Variants in GALNT13 observed in about 807,000 individuals in gnomAD.
The protein encoded by GALNT13 is polypeptide N-acetylgalactosaminyltransferase 13, also known as UDP-GalNAc:polypeptide N-acetylgalactosaminyltransferase 13.
In GALNT13, 28 loss-of-function variants were observed where a neutral mutation model predicts 64.2. That is an observed-to-expected ratio of 0.44 (90% confidence interval 0.32 to 0.60). The LOEUF (loss-of-function observed/expected upper bound fraction) is 0.60, where lower values mean the gene tolerates loss of function less well. Among genes scored for constraint, GALNT13 ranks in the 20% least tolerant of loss-of-function variants. GALNT13 has a pLI of 0.05. For missense variants in GALNT13, 577 were observed against 669.8 expected (o/e 0.86, Z 1.53); for synonymous variants, 214 against 224.6 (o/e 0.95, Z 0.42).
chr2:153,251,768 A>G, the GALNT13 span, among the ~76,000 whole-genome samples: 6 of 151,364 alleles, frequency 4.0e-5, no homozygotes, highest in African/African-American at 1.2e-4. Flanking sequence ...ATGATTTCCA[A>G]TTTCATCCAT....
the GALNT13 span, among the ~76,000 whole-genome samples, chr2:153,318,015 C>T: frequency 6.6e-6 from 1 of 151,282 alleles, no homozygotes; most frequent in Non-Finnish European, 1.5e-5. Flanking sequence ...TATGGCTGTG[C>T]TATGTTATCA....
chr2:153,852,308 C>T, the GALNT13 span, among the ~76,000 whole-genome samples: 1 of 151,938 alleles, frequency 6.6e-6, no homozygotes, highest in Non-Finnish European at 1.5e-5. Flanking sequence ...AAATATATGC[C>T]AATCAAAAGA....
At chr2:154,231,734 T>C (rs985399840) in intron 4 of GALNT13, among the ~76,000 whole-genome samples, 4 of 148,850 alleles carry the variant, frequency 2.7e-5, no homozygotes, top group African/African-American at 9.8e-5. Flanking sequence ...TGCTATTAGG[T>C]TGGTGCAAAA....
At chr2:154,296,125 T>C (rs1692910427) in intron 8 of GALNT13, among the ~76,000 whole-genome samples, 1 of 152,210 alleles carries the variant, frequency 6.6e-6, no homozygotes, top group Non-Finnish European at 1.5e-5. Context: ...TTCTTTTCTA[T>C]GTTCCATGCT....
the GALNT13 span, among the ~76,000 whole-genome samples, chr2:153,627,499 T>C: frequency 7.2e-5 from 11 of 152,130 alleles, no homozygotes; most frequent in Non-Finnish European, 1.2e-4. Context: ...TGCTATATTA[T>C]TGTAGTAAAC....
the GALNT13 span, among the ~76,000 whole-genome samples, chr2:153,542,948 T>A: frequency 6.6e-6 from 1 of 152,338 alleles, no homozygotes; most frequent in African/African-American, 2.4e-5. Flanking sequence ...CATGTATTTA[T>A]AATGACTTAT....
At chr2:154,396,848 A>G (rs1465963723) in intron 10 of GALNT13, among the ~76,000 whole-genome samples, 1 of 151,922 alleles carries the variant, frequency 6.6e-6, no homozygotes, top group East Asian at 1.9e-4. Context: ...TCTTTTCTAC[A>G]TATCTATTTT....
At chr2:154,420,278 A>C (rs959668911) in intron 11 of GALNT13, among the ~76,000 whole-genome samples, 2 of 152,094 alleles carry the variant, frequency 1.3e-5, no homozygotes, top group Non-Finnish European at 2.9e-5. Flanking sequence ...CCCATTGCCC[A>C]CCAATTTGTC....
the GALNT13 span, among the ~76,000 whole-genome samples, chr2:153,146,982 C>T: frequency 2.0e-5 from 3 of 151,686 alleles, no homozygotes; most frequent in Non-Finnish European, 2.9e-5. Context: ...TCACTTTATT[C>T]CAGAAGCCAG....
At chr2:154,275,976 T>A (rs1431210521) in intron 8 of GALNT13, among the ~76,000 whole-genome samples, 1 of 152,142 alleles carries the variant, frequency 6.6e-6, no homozygotes, top group African/African-American at 2.4e-5. Flanking sequence ...ATGACTGCCC[T>A]GTTGGATTTT....
At chr2:153,764,356 G>A in the GALNT13 span, among the ~76,000 whole-genome samples, 14 of 152,170 alleles carry the variant, frequency 9.2e-5, no homozygotes, top group African/African-American at 3.4e-4. Context: ...GACCAACATG[G>A]AGAAACCCCA....
the GALNT13 span, among the ~76,000 whole-genome samples, chr2:153,174,750 A>C: frequency 5.0e-4 from 76 of 152,286 alleles, no homozygotes; most frequent in Middle Eastern, 6.8e-3. Flanking sequence ...CATTTCCTCT[A>C]GTCTCCAGTA....
At chr2:154,002,854 C>G (rs1342656619) in intron 3 of GALNT13, among the ~76,000 whole-genome samples, 2 of 152,200 alleles carry the variant, frequency 1.3e-5, no homozygotes, top group Middle Eastern at 3.4e-3. Context: ...CTAGGGAGAC[C>G]TTATAGTGAG....
At chr2:153,618,821 G>C in the GALNT13 span, among the ~76,000 whole-genome samples, 3 of 151,760 alleles carry the variant, frequency 2.0e-5, no homozygotes, top group Non-Finnish European at 4.4e-5. Flanking sequence ...TATTTTATTT[G>C]ATATAAGTGT....
chr2:154,402,109 T>TA (rs1295794725), intron 10 of GALNT13, among the ~76,000 whole-genome samples: 1 of 152,158 alleles, frequency 6.6e-6, no homozygotes, highest in Non-Finnish European at 1.5e-5. Flanking sequence ...AAAATAATGA[T>TA]AAAAAATAAT....
At chr2:153,154,882 T>C in the GALNT13 span, among the ~76,000 whole-genome samples, 1 of 152,172 alleles carries the variant, frequency 6.6e-6, no homozygotes, top group Admixed American at 6.6e-5. Context: ...ATGGCTCTTA[T>C]TGTTTTGAGG....
chr2:154,366,299 A>G (rs915709848), intron 9 of GALNT13, among the ~76,000 whole-genome samples: 1 of 152,180 alleles, frequency 6.6e-6, no homozygotes, highest in East Asian at 1.9e-4. Flanking sequence ...TGTCTAAAAT[A>G]TATAGTTTAG....
the GALNT13 span, among the ~76,000 whole-genome samples, chr2:153,774,921 AT>A: frequency 6.6e-6 from 1 of 152,202 alleles, no homozygotes; most frequent in Admixed American, 6.5e-5. Flanking sequence ...ACAAATTAAA[AT>A]TATAACAATA....
the GALNT13 span, among the ~76,000 whole-genome samples, chr2:153,383,481 G>T: frequency 2.0e-5 from 3 of 152,042 alleles, no homozygotes; most frequent in Non-Finnish European, 4.4e-5. Flanking sequence ...CAGACTGAAA[G>T]TTGTTTTATG....
Sources: gnomAD v4.1 joint callset for allele counts (sites outside exome capture counted in the v4.1 genomes callset) on GRCh38, gnomAD v4.1.1 for gene constraint, MANE v1.5 for transcripts, NCBI Gene and HGNC (gene_info 2026-07-23, HGNC 2026-07-21) for gene names.